EPS15: variants seen among roughly 807,000 people sequenced by gnomAD.
The protein encoded by EPS15 is epidermal growth factor receptor substrate 15.
In EPS15, 72 loss-of-function variants were observed where a neutral mutation model predicts 113.8. That is an observed-to-expected ratio of 0.63 (90% CI 0.52 to 0.77). The LOEUF (loss-of-function observed/expected upper bound fraction) is 0.77. Among genes scored for constraint, EPS15 ranks in the 30% least tolerant of loss-of-function variants. The pLI is 0.00. For synonymous variants in EPS15, 344 were observed against 363.4 expected, an observed-to-expected ratio of 0.95 and a Z score of 0.61; for missense variants, 1,048 against 1,045.8, an observed-to-expected ratio of 1.00 and a Z score of -0.03.
At chr1:51,413,340 T>C (rs1440548879) in intron 13 of EPS15, among the ~76,000 whole-genome samples, 1 of 152,236 alleles carries the variant, frequency 6.6e-6, no homozygotes, top group Non-Finnish European at 1.5e-5. Flanking sequence ...AGCTAACCTC[T>C]AAATTACAAA....
chr1:51,447,153 T>C, intron 9 of EPS15, 48 bp from the exon 10 acceptor site: 1 of 1,523,162 alleles, frequency 6.6e-7, no homozygotes, highest in Non-Finnish European at 8.9e-7. Context: ...GAAACAAACT[T>C]TGAAGTGTCA....
chr1:51,426,104 C>T (rs1040728772), intron 12 of EPS15, among the ~76,000 whole-genome samples: 3 of 151,936 alleles, frequency 2.0e-5, no homozygotes, highest in African/African-American at 7.3e-5. Flanking sequence ...TAAATACAAA[C>T]TCTGTCACAA....
chr1:51,426,298 C>T (rs1307465403), intron 12 of EPS15, among the ~76,000 whole-genome samples: 1 of 150,520 alleles, frequency 6.6e-6, no homozygotes. Flanking sequence ...GAAATTGGCT[C>T]CTGGTCGAAG....
intron 4 of EPS15, among the ~76,000 whole-genome samples, chr1:51,471,089 G>A (rs192120477): frequency 2.5e-3 from 376 of 152,260 alleles, no homozygotes; most frequent in Admixed American, 4.8e-3. Flanking sequence ...TATGCCGGGG[G>A]TGGGGAGGAA....
intron 21 of EPS15, among the ~76,000 whole-genome samples, chr1:51,392,805 C>G (rs1160551914): frequency 6.6e-6 from 1 of 152,194 alleles, no homozygotes; most frequent in Admixed American, 6.5e-5. Context: ...TTAATCTCTG[C>G]TGGTTTAATT....
intron 12 of EPS15, among the ~76,000 whole-genome samples, chr1:51,435,884 T>C (rs893901204): frequency 1.3e-5 from 2 of 152,186 alleles, no homozygotes; most frequent in Non-Finnish European, 2.9e-5. Context: ...AGAGACAATA[T>C]TTAAGACGGG....
In EPS15 at chr1:51,357,723, T is replaced by C. The variant is rs74332753; in HGVS notation, c.2545-877A>G. On this transcript the variant is annotated intron_variant, in intron 24 of 24. Coordinates refer to ENST00000371733, the MANE Select transcript of EPS15 (RefSeq NM_001981.3). Reference sequence around the variant, plus strand: ...AAAGTATTGGGTATACTAAGCAAGATGTGATTTAAACCTAATCTTTTTTTT... The same window carrying C: ...AAAGTATTGGGTATACTAAGCAAGACGTGATTTAAACCTAATCTTTTTTTT... Among the ~76,000 whole-genome samples, 85 of 150,186 alleles carry C rather than the reference T, an allele frequency of 5.7e-4. 1 individual carries two copies. In the East Asian group the frequency reaches 0.015, roughly 27 times the overall value.
At position 51,371,218 on chromosome 1, in the gene EPS15, C is replaced by T. The variant is rs1340881057; in HGVS notation, c.2120-5189G>A. 5.3e-5 allele frequency among the ~76,000 whole-genome samples: 8 copies of T among 152,066 alleles called. No homozygotes were observed. The East Asian group carries it at 5.8e-4, about 11-fold the overall frequency. ...GTGTGAGCCACTGTGCCTGGCCAAT[C>T]GTTATTTTAGTGTTCACCTTCTACA... On this transcript the variant is annotated intron_variant, in intron 21 of 24. Transcript: ENST00000371733.
chr1:51,408,198 T>A lies in EPS15; in HGVS notation c.1410A>T (p.Ser470=). Residue 470 remains serine (S), a synonymous_variant, in exon 15 of 25, where the codon TCA becomes TCT. Coordinates refer to ENST00000371733, the MANE Select transcript of EPS15 (RefSeq NM_001981.3). ...GAAGAGGTTCCAACTGAGCCTTCCC[T>A]GACTCTACACTCTCCTCCAATTCTG... The part of the protein sequence containing the change: ...ETAELEESVE[S]GKAQLEPLQQ... 1 of 1,614,128 alleles carries A rather than the reference T, an allele frequency of 6.2e-7. No individual in the cohort carries two copies. Among genetic ancestry groups the A allele is most frequent in the Non-Finnish European group, 8.5e-7 (1 of 1,179,982 alleles).
chr1:51,489,082 ATTGTTAC>A (rs1245944221), intron 1 of EPS15, among the ~76,000 whole-genome samples: 6 of 151,604 alleles, frequency 4.0e-5, no homozygotes, highest in Non-Finnish European at 8.8e-5. Flanking sequence ...CCCCACTTGG[ATTGTTAC>A]TTGTTACTTG....
intron 16 of EPS15, among the ~76,000 whole-genome samples, chr1:51,405,492 T>C (rs986346964): frequency 1.3e-5 from 2 of 151,794 alleles, no homozygotes; most frequent in Non-Finnish European, 2.9e-5. Context: ...AGGTCAGGAG[T>C]TCGAAACCAG....
At position 51,409,735 on chromosome 1, in the gene EPS15, G is replaced by A. The variant is rs750323305; in HGVS notation, c.1114-39C>T. 4.4e-5 allele frequency: 61 copies of A among 1,385,648 alleles called. No homozygotes were observed. In the East Asian group the frequency reaches 4.6e-4, roughly 10 times the overall value. 85.8% of individuals were successfully genotyped at this position (1,385,648 alleles called of 1,614,324 possible). A position where few individuals can be genotyped will look rare whatever the true frequency, so the allele number is the denominator to read the frequency against. ...AAATTAATATATTTATTTTCTTTGCGGGCAGGGGAGGGTTAAGTTAGTAAT... is the reference window on the plus strand; with the variant it reads ...AAATTAATATATTTATTTTCTTTGCAGGCAGGGGAGGGTTAAGTTAGTAAT... On this transcript the variant is annotated intron_variant, in intron 13 of 24. Transcript: ENST00000371733.
At chr1:51,442,271 T>A (rs1652655378) in intron 11 of EPS15, among the ~76,000 whole-genome samples, 1 of 152,154 alleles carries the variant, frequency 6.6e-6, no homozygotes, top group South Asian at 2.1e-4. Flanking sequence ...GTCTCACTTT[T>A]ATCAGCAAGA....
At chr1:51,440,212 T>C (rs544686230) in intron 12 of EPS15, 135 bp downstream of exon 12, 1 of 409,304 alleles carries the variant, frequency 2.4e-6, no homozygotes, top group East Asian at 3.5e-5. Flanking sequence ...GTAGCATTTA[T>C]CAAAATATAC....
intron 21 of EPS15, among the ~76,000 whole-genome samples, chr1:51,371,485 T>C (rs1646649836): frequency 6.7e-6 from 1 of 149,292 alleles, no homozygotes; most frequent in Non-Finnish European, 1.5e-5. Flanking sequence ...TTTTGCATCT[T>C]ACATTTAAGA....
intron 24 of EPS15, among the ~76,000 whole-genome samples, chr1:51,358,842 T>G (rs947277628): frequency 6.6e-6 from 1 of 151,796 alleles, no homozygotes; most frequent in Non-Finnish European, 1.5e-5. Context: ...TAGCTGGGAT[T>G]ACAGGCATGC....
chr1:51,357,505 T>C (rs1344834976), intron 24 of EPS15, among the ~76,000 whole-genome samples: 1 of 142,498 alleles, frequency 7.0e-6, no homozygotes, highest in East Asian at 2.0e-4. Context: ...GATTAGAAGA[T>C]TTAAAAACAG....
chr1:51,418,425 T>C (rs929547167), intron 13 of EPS15, among the ~76,000 whole-genome samples: 3 of 151,990 alleles, frequency 2.0e-5, no homozygotes, highest in Non-Finnish European at 4.4e-5. Context: ...AGATTATTCT[T>C]GGCCCTGGGG....
intron 21 of EPS15, among the ~76,000 whole-genome samples, chr1:51,379,719 C>A (rs902291225): frequency 1.3e-5 from 2 of 151,662 alleles, no homozygotes; most frequent in Admixed American, 6.6e-5. Context: ...GAGTTTGAGA[C>A]CAGCCTGGCC....
Sources: gnomAD v4.1 joint callset for allele counts (sites outside exome capture counted in the v4.1 genomes callset) on GRCh38, gnomAD v4.1.1 for gene constraint, MANE v1.5 for transcripts, NCBI Gene and HGNC (gene_info 2026-07-23, HGNC 2026-07-21) for gene names.